NLGN1: variants seen among roughly 807,000 people sequenced by gnomAD.
NLGN1 encodes neuroligin-1.
In NLGN1, 12 loss-of-function variants were observed where a neutral mutation model predicts 65.5. The observed-to-expected ratio is 0.18, with a 90% CI of 0.12 to 0.30. NLGN1 has a LOEUF of 0.30. Ranked by LOEUF, NLGN1 falls within the 10% of genes least tolerant of loss-of-function variation. The pLI is 1.00. For missense variants in NLGN1, 750 were observed against 1,007.1 expected, an observed-to-expected ratio of 0.74 and a Z score of 3.46; for synonymous variants, 350 against 359.5, an observed-to-expected ratio of 0.97 and a Z score of 0.30.
At chr3:173,492,288 G>A (rs991853903) in intron 2 of NLGN1, among the ~76,000 whole-genome samples, 6 of 151,900 alleles carry the variant, frequency 3.9e-5, no homozygotes, top group East Asian at 3.9e-4. Context: ...ATCTGCATTC[G>A]ATAATACCTC....
intron 4 of NLGN1, among the ~76,000 whole-genome samples, chr3:174,182,433 A>G (rs1213814568): frequency 6.6e-6 from 1 of 152,068 alleles, no homozygotes; most frequent in Non-Finnish European, 1.5e-5. Context: ...CTTCCACTTT[A>G]CCCCCAGGAC....
chr3:173,924,263 T>C (rs1742596132), intron 4 of NLGN1, among the ~76,000 whole-genome samples: 2 of 152,306 alleles, frequency 1.3e-5, no homozygotes, highest in East Asian at 3.9e-4. Flanking sequence ...TTTAAATTTC[T>C]ATTTATATAC....
At chr3:174,175,559 C>A (rs1441795758) in intron 4 of NLGN1, among the ~76,000 whole-genome samples, 2 of 151,794 alleles carry the variant, frequency 1.3e-5, no homozygotes, top group Non-Finnish European at 2.9e-5. Flanking sequence ...CATTATCCAA[C>A]CCCTATTTTA....
At chr3:173,558,164 C>G (rs1440017922) in intron 2 of NLGN1, among the ~76,000 whole-genome samples, 2 of 151,792 alleles carry the variant, frequency 1.3e-5, no homozygotes, top group Non-Finnish European at 2.9e-5. Context: ...TGTATTATTT[C>G]TGATAGAATA....
chr3:173,735,312 C>G (rs950636558), intron 3 of NLGN1, among the ~76,000 whole-genome samples: 1 of 152,028 alleles, frequency 6.6e-6, no homozygotes, highest in African/African-American at 2.4e-5. Flanking sequence ...ATTTTCATTC[C>G]TTTTCTCCCT....
intron 2 of NLGN1, among the ~76,000 whole-genome samples, chr3:173,593,278 A>G (rs1748857060): frequency 6.6e-6 from 1 of 152,174 alleles, no homozygotes; most frequent in African/African-American, 2.4e-5. Context: ...ATATAGGTCA[A>G]CTTGTGTCAT....
chr3:174,098,697 A>G (rs189204922), intron 4 of NLGN1, among the ~76,000 whole-genome samples: 1 of 152,256 alleles, frequency 6.6e-6, no homozygotes, highest in African/African-American at 2.4e-5. Context: ...GTTAGGCCTG[A>G]GTCACTGCAT....
At chr3:174,023,974 T>G (rs1425546201) in intron 4 of NLGN1, among the ~76,000 whole-genome samples, 1 of 151,928 alleles carries the variant, frequency 6.6e-6, no homozygotes, top group Non-Finnish European at 1.5e-5. Context: ...ATGCAGAAGC[T>G]TAGGAAATAA....
chr3:173,967,671 T>C (rs1715189113), intron 4 of NLGN1, among the ~76,000 whole-genome samples: 1 of 152,170 alleles, frequency 6.6e-6, no homozygotes, highest in African/African-American at 2.4e-5. Flanking sequence ...TCTACTATGA[T>C]TCTCAATCCT....
intron 4 of NLGN1, among the ~76,000 whole-genome samples, chr3:174,052,626 G>A (rs1735157272): frequency 6.6e-6 from 1 of 151,876 alleles, no homozygotes; most frequent in South Asian, 2.1e-4. Flanking sequence ...TTATGTGATA[G>A]GACCCTTGAG....
chr3:173,734,715 C>CTAGTAACAA (rs1773462753), intron 3 of NLGN1, among the ~76,000 whole-genome samples: 1 of 151,874 alleles, frequency 6.6e-6, no homozygotes, highest in Non-Finnish European at 1.5e-5. Context: ...TATTAATTCA[C>CTAGTAACAA]TAGTAACAAG....
At chr3:173,580,827 AT>A (rs1317481665) in intron 2 of NLGN1, among the ~76,000 whole-genome samples, 16 of 152,034 alleles carry the variant, frequency 1.1e-4, no homozygotes, top group African/African-American at 3.6e-4. Context: ...TGAAATATTA[AT>A]TGATAATAGT....
rs571057944 is a variant in NLGN1, at chr3:174,080,922, G to GGTGTGTGTGTGT, written c.647-194369_647-194358dup. Among the ~76,000 whole-genome samples the GGTGTGTGTGTGT allele has an allele frequency of 6.5e-3, 916 of 141,248 alleles. 16 individuals are homozygous for GGTGTGTGTGTGT. The highest frequency in any genetic ancestry group is 0.019 in the African/African-American group (710 of 37,434). The allele number at this position is 141,248 out of a possible 152,430, so 92.7% of individuals were successfully genotyped here. A position where few individuals can be genotyped will look rare whatever the true frequency, so the allele number is the denominator to read the frequency against. On this transcript the variant is annotated intron_variant, in intron 4 of 6. Transcript: ENST00000457714. ...AATTTGATGGTCGCCTGACATTCCTGGTGTGTGTGTGTGTGTGTGTGTGTG... is the reference window on the plus strand; with the variant it reads ...AATTTGATGGTCGCCTGACATTCCTGGTGTGTGTGTGTGTGTGTGTGTGTGTGTGTGTGTGTG...
intron 1 of NLGN1, among the ~76,000 whole-genome samples, chr3:173,423,615 A>G (rs1420333784): frequency 6.6e-6 from 1 of 152,042 alleles, no homozygotes; most frequent in East Asian, 1.9e-4. Context: ...AAGCTCCAAA[A>G]TCTCTTTTGG....
intron 3 of NLGN1, among the ~76,000 whole-genome samples, chr3:173,781,378 A>C (rs1324986714): frequency 3.3e-5 from 5 of 152,118 alleles, no homozygotes; most frequent in African/African-American, 1.2e-4. Flanking sequence ...TTTTCTCTTA[A>C]TCCTATGTCT....
intron 1 of NLGN1, among the ~76,000 whole-genome samples, chr3:173,419,844 G>T (rs2148688108): frequency 6.6e-6 from 1 of 152,032 alleles, no homozygotes; most frequent in Non-Finnish European, 1.5e-5. Context: ...GTGGTAGTGT[G>T]TGCCTGTAGT....
intron 4 of NLGN1, among the ~76,000 whole-genome samples, chr3:174,190,678 A>G (rs1398486652): frequency 6.6e-6 from 1 of 152,064 alleles, no homozygotes; most frequent in East Asian, 1.9e-4. Context: ...TTTAAGAGGG[A>G]AAGTTCTTTA....
chr3:173,681,490 T>G (rs192381543), intron 3 of NLGN1, among the ~76,000 whole-genome samples: 1 of 152,198 alleles, frequency 6.6e-6, no homozygotes, highest in Non-Finnish European at 1.5e-5. Context: ...GGAGCCTACA[T>G]GATGAATCCA....
intron 4 of NLGN1, among the ~76,000 whole-genome samples, chr3:174,158,610 T>C (rs1725912224): frequency 6.6e-6 from 1 of 151,676 alleles, no homozygotes; most frequent in South Asian, 2.1e-4. Context: ...GGGTCAGAAT[T>C]TGCATTTTAG....
Sources: gnomAD v4.1 joint callset for allele counts (sites outside exome capture counted in the v4.1 genomes callset) on GRCh38, gnomAD v4.1.1 for gene constraint, MANE v1.5 for transcripts, NCBI Gene and HGNC (gene_info 2026-07-23, HGNC 2026-07-21) for gene names.